The following TTN variants were observed in gnomAD, a reference collection of about 807,000 sequenced individuals.
The protein encoded by TTN is titin.
Under a neutral mutation model 3,223.0 loss-of-function variants are expected in TTN, and 1,525 were observed. That is an observed-to-expected ratio of 0.47 (90% CI 0.45 to 0.49). The LOEUF (loss-of-function observed/expected upper bound fraction) is 0.49. TTN is among the 20% of genes least tolerant of loss of function. TTN has a pLI of 0.00. For synonymous variants in TTN, 14,094 were observed against 15,161.0 expected (o/e 0.93, Z 5.17); for missense variants, 40,786 against 43,424.0 (o/e 0.94, Z 5.40).
At position 178,577,369 on chromosome 2, in the gene TTN, C is replaced by G; in HGVS notation, c.68966G>C (p.Arg22989Thr). The G allele has an allele frequency of 1.2e-6, 2 of 1,612,908 alleles. No homozygotes were observed. Among genetic ancestry groups the G allele is most frequent in the Non-Finnish European group, 1.7e-6 (2 of 1,179,508 alleles). ...AGTTATCTGAGTGATATCTGATGGT[C>G]TAATGTCTTTTCCTGCCTTGGACCA... The part of the protein sequence containing the change: ...SSWSKAGKDI[R>T]PSDITQITST... The change falls in exon 324 of 363, where the codon AGA (arginine) becomes ACA (threonine). Residue 22989 changes from arginine (R) to threonine (T), a missense_variant. Transcript: ENST00000589042.
Position 178,580,528 on chromosome 2 carries a change from G to A in TTN, c.66851C>T (p.Pro22284Leu). 9 of 1,612,722 alleles carry A rather than the reference G, an allele frequency of 5.6e-6. No homozygotes were observed. Among genetic ancestry groups the A allele is most frequent in the South Asian group, 2.2e-5 (2 of 91,034 alleles). ...RAGVTMRLYV[P>L]VKGRPPPKIT... ...CTTTGGAGGTGGGCGTCCTTTTACT[G>A]GTACATATAGTCTCATAGTAACTCC... Residue 22284 changes from proline to leucine, a missense_variant, in exon 317 of 363, where the codon CCA becomes CTA. Transcript: ENST00000589042.
In TTN at chr2:178,651,489, C is replaced by G. The variant is rs780550944; in HGVS notation, c.39511G>C (p.Val13171Leu). The change falls in exon 207 of 363, where the codon GTG becomes CTG. Residue 13171 changes from valine to leucine, a missense_variant. Val to Leu is a conservative substitution (Grantham distance 32). Transcript: ENST00000589042. ...GGGGCTTCTGGCTTTTTGGGAACCA[C>G]CAGAGGCACCTTCTTTTCAGGAACA... The part of the protein sequence containing the change: ...EVVPEKKVPL[V>L]VPKKPEAPPA... 2 of 1,612,756 alleles carry G rather than the reference C, an allele frequency of 1.2e-6. No individual in the cohort carries two copies. Among genetic ancestry groups the G allele is most frequent in the Non-Finnish European group, 1.7e-6 (2 of 1,179,486 alleles).
chr2:178,747,280 T>A, intron 47 of TTN: 1 of 1,613,240 alleles, frequency 6.2e-7, no homozygotes, highest in Non-Finnish European at 8.5e-7. Flanking sequence ...CGGAAGGTGT[T>A]GAATATCTTT....
rs559696231 is a variant in TTN, at chr2:178,746,976, C to T, written c.11312-5055G>A. On this transcript the variant is annotated intron_variant, in intron 47 of 362. Transcript: ENST00000589042. ...GTGTAGAAATGCTCATTTGGTGTAC[C>T]GTCTTCCCTTTCTATTTTTGATGGA... 3.3e-5 allele frequency: 54 copies of T among 1,613,386 alleles called. No individual in the cohort carries two copies. Among genetic ancestry groups the T allele is most frequent in the Middle Eastern group, 3.3e-4 (2 of 6,056 alleles).
Position 178,667,709 on chromosome 2 carries a change from G to C in TTN, c.35558C>G (p.Ser11853Cys). The C allele has an allele frequency of 1.3e-6, 2 of 1,591,964 alleles. No individual in the cohort carries two copies. The highest frequency in any genetic ancestry group is 2.2e-5 in the East Asian group (1 of 44,720). Residue 11853 changes from serine (S) to cysteine (C), a missense_variant, in exon 160 of 363, where the codon TCT (serine) becomes TGT (cysteine). Coordinates refer to ENST00000589042, the MANE Select transcript of TTN (RefSeq NM_001267550.2). ...TTTTTCTTCTAGGACTGCTTCTTCA[G>C]ATGCTTCATAAACTTTAAAGATATT... ...EDTEMYIYEA[S>C]EEAVLEEKVL...
intron 240 of TTN, among the ~76,000 whole-genome samples, chr2:178,626,828 C>T (rs1181643465): frequency 6.6e-6 from 1 of 151,672 alleles, no homozygotes; most frequent in Non-Finnish European, 1.5e-5. Flanking sequence ...TCTAACCCAC[C>T]CACAGATATA....
Position 178,774,947 on chromosome 2 carries a change from T to C in TTN, c.6764A>G (p.Lys2255Arg). ...TTCAACAATAAGTTTAGCAGTCGTT[T>C]TGACATTTTCATCTTCCACAAGTAC... ...SCVLVEDENVKTTAKLIVEGA... is the reference protein window; with the variant it reads ...SCVLVEDENVRTTAKLIVEGA... Residue 2255 changes from lysine (K) to arginine (R), a missense_variant, in exon 29 of 363, where the codon AAA becomes AGA. Lys to Arg is a conservative substitution (Grantham distance 26). Transcript: ENST00000589042. 6.2e-7 allele frequency: 1 copy of C among 1,613,882 alleles called. No homozygotes were observed. Among genetic ancestry groups the C allele is most frequent in the Non-Finnish European group, 8.5e-7 (1 of 1,179,892 alleles).
At position 178,718,462 on chromosome 2, in the gene TTN, T is replaced by C; in HGVS notation, c.24644A>G (p.Glu8215Gly). The C allele has an allele frequency of 6.2e-7, 1 of 1,613,736 alleles. No homozygotes were observed. Among genetic ancestry groups the C allele is most frequent in the Non-Finnish European group, 8.5e-7 (1 of 1,179,748 alleles). ...TTCTGTCATAGTAATACTGCATCTC[T>C]CAGATTGTGAAATAAGATACTCGTC... ...IKDEYLISQS[E>G]RCSITMTEKS... is the part of the protein sequence containing the mutation. Residue 8215 changes from glutamate (E) to glycine (G), a missense_variant, in exon 85 of 363, where the codon GAG becomes GGG. By Grantham distance (98) the Glu-to-Gly change is moderately conservative (BLOSUM62 -2). Transcript: ENST00000589042.
At position 178,718,386 on chromosome 2, in the gene TTN, C is replaced by A. The variant is rs1350676942; in HGVS notation, c.24720G>T (p.Gln8240His). Residue 8240 changes from glutamine (Q) to histidine (H), a missense_variant, in exon 85 of 363, where the codon CAG becomes CAT. Gln to His is a conservative substitution (Grantham distance 24). Transcript: ENST00000589042. ...ILESTIEDYA[Q>H]YSCLIENEAG... ...CCTCATTTTCTATCAGGCAGCTGTA[C>A]TGTGCATAATCCTCTATTGTGCTCT... The A allele has an allele frequency of 6.2e-7, 1 of 1,613,796 alleles. No individual in the cohort carries two copies. Among genetic ancestry groups the A allele is most frequent in the Middle Eastern group, 1.7e-4 (1 of 6,056 alleles).
rs765085883 is a variant in TTN, at chr2:178,549,698, T to G, written c.92024A>C (p.Glu30675Ala). The G allele has an allele frequency of 3.1e-6, 5 of 1,613,720 alleles. No homozygotes were observed. The highest frequency in any genetic ancestry group is 4.2e-6 in the Non-Finnish European group (5 of 1,179,784). ...TTTAATGGCAGTGTAACTTTGGGCT[T>G]CACATTTATCCTCAATTAGTGCCCA... The part of the protein sequence containing the change: ...LAWALIEDKC[E>A]AQSYTAIKLI... Residue 30675 changes from glutamate to alanine, a missense_variant, in exon 338 of 363, where the codon GAA becomes GCA. Physicochemically the swap from Glu to Ala is moderately radical, Grantham distance 107. Coordinates refer to ENST00000589042, the MANE Select transcript of TTN (RefSeq NM_001267550.2).
At position 178,549,044 on chromosome 2, in the gene TTN, C is replaced by T. The variant is rs1045877862; in HGVS notation, c.92582G>A (p.Cys30861Tyr). The T allele has an allele frequency of 3.1e-6, 5 of 1,613,872 alleles. No homozygotes were observed. The highest frequency in any genetic ancestry group is 4.2e-6 in the Non-Finnish European group (5 of 1,179,836). ...MEIIGYIIEMCKADLGDWHKV... is the reference protein window; with the variant it reads ...MEIIGYIIEMYKADLGDWHKV... ...GTGCCAGTCTCCTAAGTCGGCCTTA[C>T]ACATTTCAATAATATACCCAATTAT... Residue 30861 changes from cysteine to tyrosine, a missense_variant, in exon 339 of 363, where the codon TGT (cysteine) becomes TAT (tyrosine). Cys to Tyr is a radical substitution (Grantham distance 194, BLOSUM62 -2). Coordinates refer to ENST00000589042, the MANE Select transcript of TTN (RefSeq NM_001267550.2).
chr2:178,527,874 T>C, intron 361 of TTN, 126 bp from the exon 362 acceptor site: 1 of 891,646 alleles, frequency 1.1e-6, no homozygotes, highest in Non-Finnish European at 1.6e-6. Flanking sequence ...CAATTTGCTG[T>C]TGAAGCATAA....
At position 178,571,587 on chromosome 2, in the gene TTN, G is replaced by A. The variant is rs727503562; in HGVS notation, c.74545C>T (p.Arg24849Trp). ...SSINNYIVEK[R>W]DTSTTTWQIV... ...TGCCAGGTGGTTGTGGAAGTGTCCC[G>A]TTTCTCAACAATGTAATTATTGATA... Residue 24849 changes from arginine (R) to tryptophan (W), a missense_variant, in exon 326 of 363, where the codon CGG (arginine) becomes TGG (tryptophan). By Grantham distance (101) the Arg-to-Trp change is moderately radical. Coordinates refer to ENST00000589042, the MANE Select transcript of TTN (RefSeq NM_001267550.2). 9.3e-6 allele frequency: 15 copies of A among 1,613,052 alleles called. No individual in the cohort carries two copies. Among genetic ancestry groups the A allele is most frequent in the Middle Eastern group, 1.6e-4 (1 of 6,074 alleles).
intron 131 of TTN, 118 bp downstream of exon 131, chr2:178,684,548 C>T (rs2070317167): frequency 3.0e-6 from 4 of 1,339,136 alleles, no homozygotes; most frequent in Non-Finnish European, 4.2e-6. Flanking sequence ...TAATACTCTA[C>T]CCAAAGACAC....
In TTN at chr2:178,685,294, G is replaced by T; in HGVS notation, c.32429C>A (p.Pro10810Gln). ...ERQEKKIVLKPKIPAKIEEPP... is the reference protein window; with the variant it reads ...ERQEKKIVLKQKIPAKIEEPP... Reference sequence around the variant, plus strand: ...CTCCTCTATTTTAGCAGGAATTTTTGGTTTCAGTACAATTTTCTTCTCCTG... The same window carrying T: ...CTCCTCTATTTTAGCAGGAATTTTTTGTTTCAGTACAATTTTCTTCTCCTG... The change falls in exon 129 of 363, where the codon CCA (proline) becomes CAA (glutamine). Residue 10810 changes from proline (P) to glutamine (Q), a missense_variant. Transcript: ENST00000589042. 3 of 1,552,508 alleles carry T rather than the reference G, an allele frequency of 1.9e-6. No individual in the cohort carries two copies. The highest frequency in any genetic ancestry group is 1.7e-6 in the Non-Finnish European group (2 of 1,147,682).
At chr2:178,729,220 C>T in intron 64 of TTN, 51 bp from the exon 65 acceptor site, 3 of 1,549,878 alleles carry the variant, frequency 1.9e-6, no homozygotes, top group Non-Finnish European at 2.6e-6. Flanking sequence ...GTAACTCCTA[C>T]CCATAATGAT....
Position 178,561,175 on chromosome 2 carries a change from T to A in TTN, c.84957A>T (p.Glu28319Asp). ...AAACCCGGAATTCATAACGCTGATC[T>A]TCAGTAAGTTCAGTTACTTCAAAGT... ...ETYFEVTELT[E>D]DQRYEFRVFA... Residue 28319 changes from glutamate (E) to aspartate (D), a missense_variant, in exon 326 of 363, where the codon GAA (glutamate) becomes GAT (aspartate). Glu to Asp is a conservative substitution (Grantham distance 45). Transcript: ENST00000589042. 1 of 1,613,648 alleles carries A rather than the reference T, an allele frequency of 6.2e-7. No homozygotes were observed. The highest frequency in any genetic ancestry group is 8.5e-7 in the Non-Finnish European group (1 of 1,179,806).
Position 178,549,324 on chromosome 2 carries a change from T to A in TTN, c.92302A>T (p.Lys30768Ter). 1 of 1,613,918 alleles carries A rather than the reference T, an allele frequency of 6.2e-7. No individual in the cohort carries two copies. The highest frequency in any genetic ancestry group is 8.5e-7 in the Non-Finnish European group (1 of 1,179,828). Residue 30768 changes from lysine to a stop codon, truncating the protein, a stop_gained, in exon 339 of 363, where the codon AAA (lysine) becomes TAA (stop). Coordinates refer to ENST00000589042, the MANE Select transcript of TTN (RefSeq NM_001267550.2). LOFTEE classifies it high-confidence loss of function. ...RREKKSTRWV[K>*]VISKRPISET... ...GAGATTGGTCGTTTGCTGATCACTTTTACCCATCTTGTGCTTTTCTTTTCT... is the reference window on the plus strand; with the variant it reads ...GAGATTGGTCGTTTGCTGATCACTTATACCCATCTTGTGCTTTTCTTTTCT...
intron 152 of TTN, 119 bp from the exon 153 acceptor site, chr2:178,672,822 C>T: frequency 2.8e-6 from 2 of 719,274 alleles, no homozygotes; most frequent in Non-Finnish European, 4.4e-6. Flanking sequence ...TCACTCTGTA[C>T]TGTGGGACAT....
Sources: allele counts gnomAD v4.1 joint callset (sites outside exome capture counted in the v4.1 genomes callset), GRCh38; gene constraint gnomAD v4.1.1; transcripts MANE v1.5; gene names NCBI Gene and HGNC (gene_info 2026-07-23, HGNC 2026-07-21).